NSG1: variants seen among roughly 807,000 people sequenced by gnomAD.
NSG1 encodes neuronal vesicle trafficking associated 1.
NSG1 carries 9 observed loss-of-function variants against 19.3 expected under a neutral mutation model. The observed-to-expected ratio is 0.47, with a 90% CI of 0.28 to 0.81. The LOEUF is 0.81. Among genes scored for constraint, NSG1 ranks in the 40% least tolerant of loss-of-function variants. The pLI is 0.11. For synonymous variants in NSG1, 104 were observed against 107.0 expected (o/e 0.97, Z 0.17); for missense variants, 236 against 242.4 (o/e 0.97, Z 0.18).
At chr4:4,404,126 G>A (rs73793267) in intron 3 of NSG1, among the ~76,000 whole-genome samples, 4,044 of 152,310 alleles carry the variant, frequency 0.027, 173 homozygotes, top group African/African-American at 0.091. Context: ...GCGAATGGCC[G>A]CCACCTCTCT....
chr4:4,408,730 G>T (rs898301497), intron 3 of NSG1, among the ~76,000 whole-genome samples: 1 of 150,238 alleles, frequency 6.7e-6, no homozygotes, highest in Non-Finnish European at 1.5e-5. Flanking sequence ...AAAGTGCTGG[G>T]ATTACAGGTG....
intron 4 of NSG1, among the ~76,000 whole-genome samples, chr4:4,412,147 C>G (rs1271476710): frequency 6.6e-6 from 1 of 152,154 alleles, no homozygotes; most frequent in South Asian, 2.1e-4. Flanking sequence ...TGTGGTCCAT[C>G]GTTGACCCAA....
At chr4:4,396,910 C>T (rs1413558848) in intron 3 of NSG1, among the ~76,000 whole-genome samples, 2 of 152,064 alleles carry the variant, frequency 1.3e-5, no homozygotes, top group Admixed American at 6.5e-5. Flanking sequence ...TGTGTGTGGA[C>T]GCCCCCTCAC....
intron 2 of NSG1, among the ~76,000 whole-genome samples, chr4:4,389,777 G>A (rs1722907337): frequency 6.6e-6 from 1 of 152,200 alleles, no homozygotes; most frequent in Admixed American, 6.5e-5. Flanking sequence ...AGGTGCTGGG[G>A]TGCAGCGGTG....
chr4:4,417,444 GC>G lies in NSG1; in HGVS notation c.*10del. 1 of 1,613,586 alleles carries G rather than the reference GC, an allele frequency of 6.2e-7. No homozygotes were observed. Among genetic ancestry groups the G allele is most frequent in the Non-Finnish European group, 8.5e-7 (1 of 1,179,484 alleles). On this transcript the variant is annotated 3_prime_UTR_variant, in exon 5 of 5. Coordinates refer to ENST00000621129, the MANE Select transcript of NSG1 (RefSeq NM_014392.5). ...CTGAGAAGTCAGCTTAGCGGGATGG[GC>G]AAGTTCCTTACAATGTGTCACTTGC...
chr4:4,394,010 C>G (rs1390890854), intron 3 of NSG1, among the ~76,000 whole-genome samples: 1 of 152,224 alleles, frequency 6.6e-6, no homozygotes, highest in Non-Finnish European at 1.5e-5. Context: ...ATGAGCTAGA[C>G]TCTGCTTCAC....
intron 4 of NSG1, among the ~76,000 whole-genome samples, chr4:4,416,989 G>A (rs1339611962): frequency 6.6e-6 from 1 of 152,152 alleles, no homozygotes; most frequent in Non-Finnish European, 1.5e-5. Context: ...CATTACACTG[G>A]CACCCTTGGA....
chr4:4,415,476 C>G (rs1295387697), intron 4 of NSG1, among the ~76,000 whole-genome samples: 1 of 152,144 alleles, frequency 6.6e-6, no homozygotes, highest in Non-Finnish European at 1.5e-5. Context: ...AGGAGCCTCT[C>G]AGAAAGCCTT....
At chr4:4,414,721 G>A (rs540646116) in intron 4 of NSG1, among the ~76,000 whole-genome samples, 31 of 152,188 alleles carry the variant, frequency 2.0e-4, no homozygotes, top group Admixed American at 1.1e-3. Flanking sequence ...GGAGCCCAAG[G>A]TCACGCCCTT....
In NSG1 at chr4:4,387,725, T is replaced by A; in HGVS notation, c.96T>A (p.Asp32Glu). The change falls in exon 2 of 5, where the codon GAT (aspartate) becomes GAA (glutamate). Residue 32 changes from aspartate to glutamate, a missense_variant. Coordinates refer to ENST00000621129, the MANE Select transcript of NSG1 (RefSeq NM_014392.5). Reference sequence around the variant, plus strand: ...CCATTCCCCTGATGACGCCCCTCGATGTCAATCAGCTGCAGTTCCCGCCCC... The same window carrying A: ...CCATTCCCCTGATGACGCCCCTCGAAGTCAATCAGCTGCAGTTCCCGCCCC... ...FDTIPLMTPL[D>E]VNQLQFPPPD... 6.2e-7 allele frequency: 1 copy of A among 1,612,658 alleles called. No individual in the cohort carries two copies.
intron 3 of NSG1, among the ~76,000 whole-genome samples, chr4:4,406,600 C>T (rs1162783709): frequency 1.3e-5 from 2 of 152,092 alleles, no homozygotes; most frequent in African/African-American, 2.4e-5. Context: ...GTCTGCCAGG[C>T]GCACACCCCA....
chr4:4,387,561 C>CGGGGGGGGGGG, intron 1 of NSG1, 43 bp from the exon 2 acceptor site: 29 of 1,141,956 alleles, frequency 2.5e-5, no homozygotes, highest in Non-Finnish European at 3.2e-5. Context: ...CGCCCCGCCC[C>CGGGGGGGGGGG]GGGTCTTGCT....
At chr4:4,396,549 C>T (rs1723258896) in intron 3 of NSG1, among the ~76,000 whole-genome samples, 2 of 152,208 alleles carry the variant, frequency 1.3e-5, no homozygotes, top group Non-Finnish European at 2.9e-5. Context: ...GGAGAGCCCT[C>T]GTTAGTCTGC....
intron 4 of NSG1, among the ~76,000 whole-genome samples, chr4:4,415,260 CACTT>C (rs1724459997): frequency 6.6e-6 from 1 of 152,128 alleles, no homozygotes; most frequent in South Asian, 2.1e-4. Flanking sequence ...GCTGGGAACA[CACTT>C]ACGTAGCTAC....
rs546164137 is a variant in NSG1 at position 4,418,747 on chromosome 4, T to C, written c.*1312T>C. 3.3e-5 allele frequency: 5 copies of C among 152,748 alleles called. No homozygotes were observed. The highest frequency in any genetic ancestry group is 3.3e-4 in the Admixed American group (5 of 15,300). 9.5% of individuals were successfully genotyped at this position (152,748 alleles called of 1,614,324 possible). A position where few individuals can be genotyped will look rare whatever the true frequency, so the allele number is the denominator to read the frequency against. ...TCAGCGCCACTCTTGTTTCCTGAAA[T>C]GTGCTTCTAAGACAGAAAATGTATT... is the stretch of plus-strand genomic sequence containing the variant. On this transcript the variant is annotated 3_prime_UTR_variant, in exon 5 of 5. Coordinates refer to ENST00000621129, the MANE Select transcript of NSG1 (RefSeq NM_014392.5).
intron 4 of NSG1, among the ~76,000 whole-genome samples, chr4:4,416,961 A>G (rs1459494553): frequency 1.3e-5 from 2 of 152,160 alleles, no homozygotes; most frequent in African/African-American, 4.8e-5. Flanking sequence ...ATCTTCAGTG[A>G]AGTAAGGCCT....
intron 1 of NSG1, 91 bp from the exon 2 acceptor site, chr4:4,387,513 G>A (rs1560136980): frequency 7.1e-6 from 6 of 848,540 alleles, no homozygotes; most frequent in Admixed American, 2.8e-5. Flanking sequence ...GCTCGCGGAC[G>A]CCGGGACGCC....
chr4:4,406,208 T>A (rs1723847577), intron 3 of NSG1, among the ~76,000 whole-genome samples: 1 of 151,998 alleles, frequency 6.6e-6, no homozygotes, highest in Non-Finnish European at 1.5e-5. Flanking sequence ...TTTATATTTT[T>A]AGTAGAGACG....
At chr4:4,403,220 T>A (rs150950950) in intron 3 of NSG1, among the ~76,000 whole-genome samples, 1 of 152,212 alleles carries the variant, frequency 6.6e-6, no homozygotes, top group Non-Finnish European at 1.5e-5. Flanking sequence ...GAGGTGAGTG[T>A]AACAAATTAC....
Sources: allele counts gnomAD v4.1 joint callset (sites outside exome capture counted in the v4.1 genomes callset), GRCh38; gene constraint gnomAD v4.1.1; transcripts MANE v1.5; gene names NCBI Gene and HGNC (gene_info 2026-07-23, HGNC 2026-07-21).